YAE1: variants seen among roughly 807,000 people sequenced by gnomAD.
YAE1 encodes the protein protein YAE1 homolog.
Under a neutral mutation model 23.0 loss-of-function variants are expected in YAE1, and 22 were observed. The ratio of observed to expected loss-of-function variants is 0.96; its 90% CI spans 0.68 to 1.37. The LOEUF is 1.37. YAE1 is among the 40% of genes most tolerant of loss of function. The probability of loss-of-function intolerance (pLI) is 0.00; values close to 1 mark genes in which losing one functional copy is unlikely to be tolerated. For missense variants in YAE1, 260 were observed against 262.1 expected (o/e 0.99, Z 0.06); for synonymous variants, 101 against 97.0 (o/e 1.04, Z -0.24).
intron 2 of YAE1, among the ~76,000 whole-genome samples, chr7:39,595,384 A>G (rs1170469376): frequency 6.6e-6 from 1 of 152,080 alleles, no homozygotes; most frequent in African/African-American, 2.4e-5. Context: ...ATCCAGTGTC[A>G]TAATCTGAAA....
chr7:39,607,236 T>G (rs1791142905), intron 2 of YAE1, among the ~76,000 whole-genome samples: 1 of 152,240 alleles, frequency 6.6e-6, no homozygotes, highest in Non-Finnish European at 1.5e-5. Context: ...TCCCCAGTGT[T>G]GTCTATGTCC....
At chr7:39,571,716 A>G (rs190297956) in intron 2 of YAE1, among the ~76,000 whole-genome samples, 1 of 152,224 alleles carries the variant, frequency 6.6e-6, no homozygotes, top group Non-Finnish European at 1.5e-5. Flanking sequence ...TGTTAGGACT[A>G]GAAGAATTTT....
intron 2 of YAE1, among the ~76,000 whole-genome samples, chr7:39,571,276 CT>C (rs58497539): frequency 0.28 from 37,442 of 135,748 alleles, 5,253 homozygotes; most frequent in African/African-American, 0.41. Context: ...TTTCTTTTTT[CT>C]TTTTTTTTTT....
intron 2 of YAE1, among the ~76,000 whole-genome samples, chr7:39,599,355 G>A (rs1791021456): frequency 6.6e-6 from 1 of 151,066 alleles, no homozygotes; most frequent in Non-Finnish European, 1.5e-5. Flanking sequence ...CTATGTTGAA[G>A]TGTTTTTTTG....
rs376158043 is a variant in YAE1, at chr7:39,572,469, T to A, written c.444T>A (p.Ala148=). 105 of 1,614,028 alleles carry A rather than the reference T, an allele frequency of 6.5e-5. No individual in the cohort carries two copies. Among genetic ancestry groups the A allele is most frequent in the Non-Finnish European group, 8.1e-5 (96 of 1,180,000 alleles). Reference sequence around the variant, plus strand: ...TGGACCTTTGTCATGTAGTTCCAGCTGAGAAAAAGATTGATGAAGCTAAAG... The same window carrying A: ...TGGACCTTTGTCATGTAGTTCCAGCAGAGAAAAAGATTGATGAAGCTAAAG... ...EDMDLCHVVP[A]EKKIDEAKDE... Residue 148 remains alanine, a synonymous_variant, in exon 3 of 3, where the codon GCT becomes GCA. Transcript: ENST00000223273.
At chr7:39,598,322 C>T (rs975547244) in intron 2 of YAE1, among the ~76,000 whole-genome samples, 3 of 151,564 alleles carry the variant, frequency 2.0e-5, no homozygotes, top group African/African-American at 7.3e-5. Flanking sequence ...GTTGGCCAGG[C>T]TGGTCTCAAA....
downstream of YAE1, among the ~76,000 whole-genome samples, chr7:39,575,537 G>GGAGAGA (rs56954676): frequency 0.019 from 2,498 of 130,938 alleles, 48 homozygotes; most frequent in African/African-American, 0.024. Context: ...CTAAGATACA[G>GGAGAGA]GAGAGAGAGA....
chr7:39,582,760 C>T (rs944371920), intron 2 of YAE1, among the ~76,000 whole-genome samples: 2 of 151,442 alleles, frequency 1.3e-5, no homozygotes, highest in South Asian at 2.1e-4. Context: ...GAACATGATA[C>T]TTCTGACCTC....
chr7:39,575,585 T>C (rs939993408), downstream of YAE1, among the ~76,000 whole-genome samples: 12 of 142,696 alleles, frequency 8.4e-5, no homozygotes, highest in Admixed American at 7.0e-5. Context: ...AGAGTGAGTG[T>C]GTGTGTGTGT....
At chr7:39,600,134 T>TG (rs1473368161) in intron 2 of YAE1, among the ~76,000 whole-genome samples, 1 of 152,174 alleles carries the variant, frequency 6.6e-6, no homozygotes, top group Non-Finnish European at 1.5e-5. Flanking sequence ...TTCCACTACC[T>TG]AGCATAGTGC....
At chr7:39,595,427 A>G (rs925352247) in intron 2 of YAE1, among the ~76,000 whole-genome samples, 4 of 151,616 alleles carry the variant, frequency 2.6e-5, no homozygotes, top group African/African-American at 9.7e-5. Context: ...GACGTATGCC[A>G]GAAGAGCTGG....
At chr7:39,572,107 A>G (rs946029405) in intron 2 of YAE1, among the ~76,000 whole-genome samples, 170 bp from the exon 3 acceptor site, 3 of 152,256 alleles carry the variant, frequency 2.0e-5, no homozygotes, top group African/African-American at 4.8e-5. Context: ...TTACATAGTC[A>G]TAAGAGAAAA....
downstream of YAE1, among the ~76,000 whole-genome samples, chr7:39,610,645 C>A (rs987521529): frequency 1.3e-5 from 2 of 152,110 alleles, no homozygotes; most frequent in Non-Finnish European, 1.5e-5. Flanking sequence ...TGTACATGTA[C>A]TTTAGATTAT....
chr7:39,609,964 T>C (rs1238898146), exon 3 of YAE1: 1 of 1,519,264 alleles, frequency 6.6e-7, no homozygotes. Flanking sequence ...AATAGAATCA[T>C]TATCAGAGGT....
intron 2 of YAE1, among the ~76,000 whole-genome samples, chr7:39,588,601 A>G (rs1315066014): frequency 6.6e-6 from 1 of 152,066 alleles, no homozygotes; most frequent in Non-Finnish European, 1.5e-5. Flanking sequence ...TTCTTTCCTA[A>G]TAATGGAAGT....
At chr7:39,600,078 A>C (rs10236547) in intron 2 of YAE1, among the ~76,000 whole-genome samples, 136,488 of 152,262 alleles carry the variant, frequency 0.9, 61,445 homozygotes, top group East Asian at 1. Flanking sequence ...AATCCATGAA[A>C]TGAAGTTTCT....
intron 2 of YAE1, among the ~76,000 whole-genome samples, chr7:39,592,289 A>G (rs73115977): frequency 4.5e-4 from 68 of 151,428 alleles, no homozygotes; most frequent in Admixed American, 9.8e-4. Context: ...ACCATTTTGC[A>G]TTCTTACAAG....
intron 2 of YAE1, among the ~76,000 whole-genome samples, chr7:39,582,669 T>G (rs925789491): frequency 1.3e-5 from 2 of 152,194 alleles, no homozygotes; most frequent in African/African-American, 4.8e-5. Context: ...AAGGATGGCC[T>G]TCATGAAAGG....
intron 2 of YAE1, chr7:39,609,475 T>C (rs1791174661): frequency 9.0e-7 from 1 of 1,108,882 alleles, no homozygotes; most frequent in Admixed American, 2.7e-5. Context: ...ATGGGGAAAG[T>C]TGGGGGGTTG....
Sources: gnomAD v4.1 joint callset for allele counts (sites outside exome capture counted in the v4.1 genomes callset) on GRCh38, gnomAD v4.1.1 for gene constraint, MANE v1.5 for transcripts, NCBI Gene and HGNC (gene_info 2026-07-23, HGNC 2026-07-21) for gene names.